Variants in DICER1 observed in about 807,000 individuals in gnomAD.
DICER1 encodes the protein dicer 1, ribonuclease III, also known as endoribonuclease Dicer.
DICER1 carries 43 observed loss-of-function variants against 194.1 expected under a neutral mutation model. The observed-to-expected ratio is 0.22, with a 90% CI of 0.17 to 0.29. The LOEUF (loss-of-function observed/expected upper bound fraction) is 0.29, where lower values mean the gene tolerates loss of function less well. DICER1 is among the 10% of genes least tolerant of loss of function. The probability of loss-of-function intolerance (pLI) is 1.00; values close to 1 mark genes in which losing one functional copy is unlikely to be tolerated. For synonymous variants in DICER1, 832 were observed against 820.5 expected, an observed-to-expected ratio of 1.01 and a Z score of -0.24; for missense variants, 1,608 against 2,317.0, an observed-to-expected ratio of 0.69 and a Z score of 6.28.
At position 95,105,270 on chromosome 14, in the gene DICER1, C is replaced by G. The variant is rs1891312784; in HGVS notation, c.3094-24G>C. 33 of 1,591,102 alleles carry G rather than the reference C, an allele frequency of 2.1e-5. No individual in the cohort carries two copies. The highest frequency in any genetic ancestry group is 2.8e-5 in the Non-Finnish European group (32 of 1,161,736). On this transcript the variant is annotated intron_variant, in intron 19 of 26. Coordinates refer to ENST00000343455, the MANE Select transcript of DICER1 (RefSeq NM_177438.3). The surrounding 1 kb of genome is among the most constrained non-coding windows in gnomAD (Gnocchi z 4.9). ...ATCTTCAAGTAAGGGGAAAAATGGA[C>G]AGATAAATACAAAGCGCACACACAA...
intron 10 of DICER1, among the ~76,000 whole-genome samples, chr14:95,116,187 A>G (rs571869408): frequency 7.9e-5 from 12 of 152,238 alleles, no homozygotes; most frequent in African/African-American, 2.9e-4. Flanking sequence ...TTGCAATGCA[A>G]TTTCCCAGAC....
intron 1 of DICER1, among the ~76,000 whole-genome samples, chr14:95,140,298 C>G (rs1894746098): frequency 6.6e-6 from 1 of 152,108 alleles, no homozygotes; most frequent in East Asian, 1.9e-4. Flanking sequence ...AGACTATGGT[C>G]TCGTAAGATT....
intron 5 of DICER1, 146 bp from the exon 6 acceptor site, chr14:95,129,778 ACATAAAATTACT>A (rs1284186971): frequency 1.2e-6 from 1 of 820,200 alleles, no homozygotes; most frequent in African/African-American, 1.7e-5. Flanking sequence ...ACCAAGGACA[ACATAAAATTACT>A]CATAGAATTA....
chr14:95,133,269 TC>T (rs1318845492), intron 2 of DICER1, 45 bp downstream of exon 2: 1 of 1,604,014 alleles, frequency 6.2e-7, no homozygotes, highest in Non-Finnish European at 8.5e-7. Flanking sequence ...GCTAATGTAT[TC>T]CATTTTAGTG....
At chr14:95,127,103 G>A (rs931369591) in intron 6 of DICER1, among the ~76,000 whole-genome samples, 2 of 152,160 alleles carry the variant, frequency 1.3e-5, no homozygotes, top group Non-Finnish European at 2.9e-5. Flanking sequence ...CACACAGGGA[G>A]GATGACGAAG....
At position 95,086,399 on chromosome 14, in the gene DICER1, A is replaced by AT. The variant is rs1889338314; in HGVS notation, c.*4098dup. ...AAACAGCTGCAGCATGTGATGGTAA[A>AT]TATTTTATTGTCAATCAAATAATAT... On this transcript the variant is annotated 3_prime_UTR_variant, in exon 27 of 27. Coordinates refer to ENST00000343455, the MANE Select transcript of DICER1 (RefSeq NM_177438.3). 4.3e-6 allele frequency: 1 copy of AT among 233,250 alleles called. No homozygotes were observed. The allele number at this position is 233,250 out of a possible 1,614,324, so 14.4% of individuals were successfully genotyped here.
intron 14 of DICER1, among the ~76,000 whole-genome samples, chr14:95,110,527 T>G (rs1891864269): frequency 6.6e-6 from 1 of 152,116 alleles, no homozygotes; most frequent in Admixed American, 6.5e-5. Flanking sequence ...AACGATTTTT[T>G]TTTTCCTTGT....
chr14:95,132,409 T>C, intron 3 of DICER1, 106 bp downstream of exon 3: 2 of 1,255,406 alleles, frequency 1.6e-6, no homozygotes, highest in South Asian at 2.4e-5. Context: ...ACATTATCTG[T>C]CAAACTTTCT....
At chr14:95,137,264 A>G (rs1894454979) in intron 1 of DICER1, among the ~76,000 whole-genome samples, 1 of 147,236 alleles carries the variant, frequency 6.8e-6, no homozygotes, top group African/African-American at 2.5e-5. Flanking sequence ...AATAAAAAGG[A>G]AAATGGAAAG....
chr14:95,091,927 A>G (rs1403006473), intron 24 of DICER1, among the ~76,000 whole-genome samples: 5 of 152,244 alleles, frequency 3.3e-5, no homozygotes, highest in Non-Finnish European at 7.3e-5. Flanking sequence ...CTGACATAGC[A>G]TGTATGCAAA....
intron 11 of DICER1, among the ~76,000 whole-genome samples, chr14:95,113,562 G>A (rs1892171624): frequency 1.3e-5 from 2 of 152,180 alleles, no homozygotes; most frequent in Non-Finnish European, 2.9e-5. Flanking sequence ...CCATAATAGA[G>A]CACAAAGTAT....
At chr14:95,129,385 C>G in intron 6 of DICER1, 87 bp downstream of exon 6, 1 of 1,279,324 alleles carries the variant, frequency 7.8e-7, no homozygotes, top group Non-Finnish European at 1.1e-6. Context: ...TAAATAGGTA[C>G]TCTCTGCAAG....
chr14:95,145,417 G>T (rs1241226240), intron 1 of DICER1, among the ~76,000 whole-genome samples: 3 of 152,142 alleles, frequency 2.0e-5, no homozygotes, highest in African/African-American at 7.2e-5. Context: ...AAAATACTGT[G>T]TACTACTTAC....
At chr14:95,126,840 A>G (rs1893512839) in intron 6 of DICER1, 92 bp from the exon 7 acceptor site, 1 of 663,130 alleles carries the variant, frequency 1.5e-6, no homozygotes, top group South Asian at 1.9e-5. Flanking sequence ...AAAAAAAGGG[A>G]ATAGATACTA....
At chr14:95,153,960 G>A (rs1895680908) in intron 1 of DICER1, among the ~76,000 whole-genome samples, 1 of 152,318 alleles carries the variant, frequency 6.6e-6, no homozygotes, top group African/African-American at 2.4e-5. Flanking sequence ...GTGAATAAGA[G>A]CGAGTATAAT....
chr14:95,119,609 C>T (rs996988351), intron 8 of DICER1, among the ~76,000 whole-genome samples: 1 of 151,494 alleles, frequency 6.6e-6, no homozygotes, highest in African/African-American at 2.4e-5. Context: ...TTGGTTTTTA[C>T]ACTCAGTTTA....
rs541737776 is a variant in DICER1, at chr14:95,089,583, T to C, written c.*915A>G. The stretch of plus-strand genomic sequence containing the variant: ...ACCTGGCAGGAGGACTTTAGTAAAA[T>C]GGGGTGTTTAGCCAAAGATCATTTT... On this transcript the variant is annotated 3_prime_UTR_variant, in exon 27 of 27. Coordinates refer to ENST00000343455, the MANE Select transcript of DICER1 (RefSeq NM_177438.3). 6.5e-5 allele frequency: 15 copies of C among 231,938 alleles called. No homozygotes were observed. The East Asian group carries it at 9.2e-4, about 14-fold the overall frequency. The allele number at this position is 231,938 out of a possible 1,614,324, so 14.4% of individuals were successfully genotyped here.
chr14:95,124,399 C>T lies in DICER1; in HGVS notation c.1173G>A (p.Glu391=), dbSNP rs1269365429. The T allele has an allele frequency of 6.2e-7, 1 of 1,614,122 alleles. No individual in the cohort carries two copies. Among genetic ancestry groups the T allele is most frequent in the Non-Finnish European group, 8.5e-7 (1 of 1,180,000 alleles). The part of the protein sequence containing the change: ...LEILRKYKPY[E]RQQFESVEWY... ...ACTCAACGCTTTCAAACTGCTGTCGCTCATATGGTTTATATTTGCGTAAGA... is the reference window on the plus strand; with the variant it reads ...ACTCAACGCTTTCAAACTGCTGTCGTTCATATGGTTTATATTTGCGTAAGA... The change falls in exon 8 of 27, where the codon GAG becomes GAA. Residue 391 remains glutamate (E), a synonymous_variant. Coordinates refer to ENST00000343455, the MANE Select transcript of DICER1 (RefSeq NM_177438.3). The surrounding 1 kb of genome is among the most constrained non-coding windows in gnomAD (Gnocchi z 4.5).
intron 21 of DICER1, among the ~76,000 whole-genome samples, chr14:95,100,819 C>G (rs1890811316): frequency 6.6e-6 from 1 of 152,156 alleles, no homozygotes; most frequent in African/African-American, 2.4e-5. Context: ...ATTGGGCAAC[C>G]CTGAGGGAAC....
Sources: allele counts gnomAD v4.1 joint callset (sites outside exome capture counted in the v4.1 genomes callset), GRCh38; gene constraint gnomAD v4.1.1; non-coding constraint Gnocchi (gnomAD v3.1); transcripts MANE v1.5; gene names NCBI Gene and HGNC (gene_info 2026-07-23, HGNC 2026-07-21).